The following EPS8 variants were observed in gnomAD, a reference collection of about 807,000 sequenced individuals.
EPS8 encodes the protein epidermal growth factor receptor kinase substrate 8.
In EPS8, 42 loss-of-function variants were observed where a neutral mutation model predicts 103.8. The ratio of observed to expected loss-of-function variants is 0.40; its 90% CI spans 0.32 to 0.52. EPS8 has a LOEUF of 0.52. EPS8 is among the 20% of genes least tolerant of loss of function. The pLI is 0.40. For synonymous variants in EPS8, 344 were observed against 344.6 expected, an observed-to-expected ratio of 1.00 and a Z score of 0.02; for missense variants, 969 against 1,005.1, an observed-to-expected ratio of 0.96 and a Z score of 0.49.
Position 15,658,068 on chromosome 12 carries a change from T to TA in EPS8, c.1101+10dup. On this transcript the variant is annotated intron_variant, in intron 12 of 20. Coordinates refer to ENST00000281172, the MANE Select transcript of EPS8 (RefSeq NM_004447.6). ...TAAGAACGATTCTTTCTTAAACTAA[T>TA]AAAATCTCACCATATTTAATGGAGT... The TA allele has an allele frequency of 6.6e-7, 1 of 1,522,490 alleles. No individual in the cohort carries two copies. The highest frequency in any genetic ancestry group is 9.1e-7 in the Non-Finnish European group (1 of 1,097,878). The allele number at this position is 1,522,490 out of a possible 1,614,324, so 94.3% of individuals were successfully genotyped here.
At position 15,748,066 on chromosome 12, in the gene EPS8, T is replaced by G. The variant is rs1251489688; in HGVS notation, c.-22+41095A>C. Among the ~76,000 whole-genome samples, 1 of 152,008 alleles carries G rather than the reference T, an allele frequency of 6.6e-6. No homozygotes were observed. The highest frequency in any genetic ancestry group is 2.4e-5 in the African/African-American group (1 of 41,380). On this transcript the variant is annotated intron_variant, in intron 1 of 20. Coordinates refer to ENST00000281172, the MANE Select transcript of EPS8 (RefSeq NM_004447.6). This position sits in a 1 kb window ranked among gnomAD's most constrained non-coding sequence, Gnocchi z 4.8. ...ACAAAAAAAAGTAATGCCTCATGCA[T>G]GCAAAAAAGGCAGAGAATTTGCTAT...
chr12:15,710,603 C>T (rs999720822), intron 1 of EPS8, among the ~76,000 whole-genome samples: 13 of 152,220 alleles, frequency 8.5e-5, no homozygotes, highest in African/African-American at 3.1e-4. Context: ...ATTTTGTACA[C>T]ACGATTCTGT....
intron 1 of EPS8, among the ~76,000 whole-genome samples, chr12:15,768,224 G>A (rs1422687322): frequency 6.6e-6 from 1 of 151,966 alleles, no homozygotes; most frequent in Admixed American, 6.6e-5. Flanking sequence ...TGGATCACGA[G>A]GTCAGGAGTT....
chr12:15,644,469 C>G (rs1324704020), intron 15 of EPS8, among the ~76,000 whole-genome samples: 1 of 151,984 alleles, frequency 6.6e-6, no homozygotes, highest in Non-Finnish European at 1.5e-5. Context: ...CCGAAGCGGG[C>G]AGATCACGAG....
At position 15,738,609 on chromosome 12, in the gene EPS8, G is replaced by A. The variant is rs1430133257; in HGVS notation, c.-22+50552C>T. On this transcript the variant is annotated intron_variant, in intron 1 of 20. Transcript: ENST00000281172. The surrounding 1 kb of genome is among the most constrained non-coding windows in gnomAD (Gnocchi z 6.2). The stretch of plus-strand genomic sequence containing the variant: ...CCTTCCAACTCACTTTATGCCCTAG[G>A]GCATTCTGCATTATTATGCCCTAGG... Among the ~76,000 whole-genome samples the A allele has an allele frequency of 6.6e-6, 1 of 151,856 alleles. No homozygotes were observed. The highest frequency in any genetic ancestry group is 1.5e-5 in the Non-Finnish European group (1 of 67,964).
rs993456581 is a variant in EPS8, at chr12:15,760,392, C to T, written c.-22+28769G>A. Among the ~76,000 whole-genome samples the T allele has an allele frequency of 7.2e-5, 11 of 152,018 alleles. No homozygotes were observed. Among genetic ancestry groups the T allele is most frequent in the Middle Eastern group, 3.2e-3 (1 of 314 alleles). ...CAAAACATTTAAAGAAGAATTAATA[C>T]GAATCCTACTCAAACTATTCTGAAA... is the stretch of plus-strand genomic sequence containing the variant. On this transcript the variant is annotated intron_variant, in intron 1 of 20. Coordinates refer to ENST00000281172, the MANE Select transcript of EPS8 (RefSeq NM_004447.6). The surrounding 1 kb of genome is among the most constrained non-coding windows in gnomAD (Gnocchi z 4.5).
chr12:15,777,253 G>T lies in EPS8; in HGVS notation c.-22+11908C>A, dbSNP rs1024325522. On this transcript the variant is annotated intron_variant, in intron 1 of 20. Transcript: ENST00000281172. The surrounding 1 kb of genome is among the most constrained non-coding windows in gnomAD (Gnocchi z 4.7). ...CTAAAATTCCCTACAGTGATAAGGG[G>T]TACTTACAAAGCAGAATGAAAAAAA... Among the ~76,000 whole-genome samples the T allele has an allele frequency of 9.3e-5, 14 of 151,198 alleles. No individual in the cohort carries two copies. Among genetic ancestry groups the T allele is most frequent in the Non-Finnish European group, 1.9e-4 (13 of 67,834 alleles).
chr12:15,642,948 C>T (rs115075073), intron 15 of EPS8, among the ~76,000 whole-genome samples: 2,586 of 152,138 alleles, frequency 0.017, 91 homozygotes, highest in African/African-American at 0.06. Context: ...GTAAGAACAG[C>T]TTATTGGCTA....
chr12:15,703,081 G>A (rs982551888), intron 1 of EPS8, among the ~76,000 whole-genome samples: 3 of 152,162 alleles, frequency 2.0e-5, no homozygotes, highest in African/African-American at 7.2e-5. Context: ...CCCAAGAGGT[G>A]GAAGTTGCAG....
Position 15,702,644 on chromosome 12 carries a change from T to C in EPS8, c.-21-19672A>G, listed in dbSNP as rs977207712. Among the ~76,000 whole-genome samples the C allele has an allele frequency of 2.0e-5, 3 of 146,840 alleles. No homozygotes were observed. Among genetic ancestry groups the C allele is most frequent in the Admixed American group, 6.7e-5 (1 of 15,002 alleles). On this transcript the variant is annotated intron_variant, in intron 1 of 20. Coordinates refer to ENST00000281172, the MANE Select transcript of EPS8 (RefSeq NM_004447.6). This position sits in a 1 kb window ranked among gnomAD's most constrained non-coding sequence, Gnocchi z 5.1. ...AGTATATTAAATATGAAGAAAAAAA[T>C]TGCATGCCTAATATTTTTACCTATA...
Position 15,787,225 on chromosome 12 carries a change from A to C in EPS8, c.-22+1936T>G, listed in dbSNP as rs1196080281. On this transcript the variant is annotated intron_variant, in intron 1 of 20. Coordinates refer to ENST00000281172, the MANE Select transcript of EPS8 (RefSeq NM_004447.6). The surrounding 1 kb of genome is among the most constrained non-coding windows in gnomAD (Gnocchi z 4.9). ...GGGAGTAGAGAGAAGAATAAAAAGC[A>C]GTAGGGTAAAGGGTGTGAAACAGAG... 4.6e-5 allele frequency among the ~76,000 whole-genome samples: 7 copies of C among 152,190 alleles called. No individual in the cohort carries two copies. Among genetic ancestry groups the C allele is most frequent in the Non-Finnish European group, 5.9e-5 (4 of 68,010 alleles).
rs1475018733 is a variant in EPS8 at position 15,658,115 on chromosome 12, T to C, written c.1065A>G (p.Ala355=). 1 of 1,610,924 alleles carries C rather than the reference T, an allele frequency of 6.2e-7. No individual in the cohort carries two copies. ...GAGTAAACAAAAAGTGAACCAAATC[T>C]GCAGCACTAGGATTCTGAATATGAG... ...LKSHIQNPSA[A]DLVHFLFTPL... is the part of the protein sequence containing the mutation. Residue 355 remains alanine (A), a synonymous_variant, in exon 12 of 21, where the codon GCA becomes GCG. Coordinates refer to ENST00000281172, the MANE Select transcript of EPS8 (RefSeq NM_004447.6).
chr12:15,666,069 T>C (rs1681780198), intron 7 of EPS8, among the ~76,000 whole-genome samples, 177 bp from the exon 8 acceptor site: 1 of 152,208 alleles, frequency 6.6e-6, no homozygotes, highest in Non-Finnish European at 1.5e-5. Flanking sequence ...ATAAAAAAAT[T>C]AATAGTCAGC....
At chr12:15,660,034 ATG>A in intron 10 of EPS8, among the ~76,000 whole-genome samples, 1 of 152,328 alleles carries the variant, frequency 6.6e-6, no homozygotes, top group Non-Finnish European at 1.5e-5. Flanking sequence ...ACAATAACTA[ATG>A]AAAACTACAG....
intron 1 of EPS8, among the ~76,000 whole-genome samples, chr12:15,705,985 C>T (rs1479056064): frequency 6.6e-6 from 1 of 151,582 alleles, no homozygotes; most frequent in Admixed American, 6.6e-5. Flanking sequence ...ATCAGAGGCA[C>T]ATGTGTTGCT....
At chr12:15,628,296 G>A (rs1254367807) in intron 18 of EPS8, among the ~76,000 whole-genome samples, 2 of 152,144 alleles carry the variant, frequency 1.3e-5, no homozygotes, top group Non-Finnish European at 2.9e-5. Flanking sequence ...TTTCTCATCT[G>A]CTGACTTAGT....
At chr12:15,649,268 C>T (rs1945372118) in intron 14 of EPS8, among the ~76,000 whole-genome samples, 1 of 152,118 alleles carries the variant, frequency 6.6e-6, no homozygotes, top group South Asian at 2.1e-4. Context: ...CTTAAATACA[C>T]AAATTGAGAA....
At chr12:15,681,185 G>A in intron 3 of EPS8, 41 bp downstream of exon 3, 1 of 1,079,904 alleles carries the variant, frequency 9.3e-7, no homozygotes, top group South Asian at 1.5e-5. Flanking sequence ...GTAAAAAGTG[G>A]TTAGAAACAA....
chr12:15,687,133 T>G (rs1946106638), intron 1 of EPS8, among the ~76,000 whole-genome samples: 4 of 152,114 alleles, frequency 2.6e-5, no homozygotes. Flanking sequence ...AAAAAAAATC[T>G]TCTTTAAACC....
Sources: allele counts gnomAD v4.1 joint callset (sites outside exome capture counted in the v4.1 genomes callset), GRCh38; gene constraint gnomAD v4.1.1; non-coding constraint Gnocchi (gnomAD v3.1); transcripts MANE v1.5; gene names NCBI Gene and HGNC (gene_info 2026-07-23, HGNC 2026-07-21).